Variants in ACSM3 observed in about 807,000 individuals in gnomAD.
The protein encoded by ACSM3 is acyl-CoA synthetase medium chain family member 3.
In ACSM3, 61 loss-of-function variants were observed where a neutral mutation model predicts 74.1. The ratio of observed to expected loss-of-function variants is 0.82; its 90% confidence interval spans 0.67 to 1.02. ACSM3 has a LOEUF of 1.02. Ranked by LOEUF, ACSM3 falls within the 50% of genes least tolerant of loss-of-function variation. The pLI is 0.00. For missense variants in ACSM3, 660 were observed against 697.0 expected (o/e 0.95, Z 0.60); for synonymous variants, 213 against 241.5 (o/e 0.88, Z 1.09).
chr16:20,745,944 G>C (rs748346083), intron 1 of ACSM3, among the ~76,000 whole-genome samples: 1 of 152,178 alleles, frequency 6.6e-6, no homozygotes, highest in Non-Finnish European at 1.5e-5. Context: ...TATCCTGGCT[G>C]TGAATCCCAG....
chr16:20,737,125 C>T, intron 1 of ACSM3: 1 of 1,614,206 alleles, frequency 6.2e-7, no homozygotes, highest in South Asian at 1.1e-5. Flanking sequence ...TGTGACGGAT[C>T]CTTAGGGCTC....
Position 20,685,847 on chromosome 16 carries a change from C to T in ACSM3, c.-190+11025C>T, listed in dbSNP as rs4783459. ...AAAAAAAAAACAAACAAAAAAAAAA[C>T]AAAAAACTTATAGCATCAGGAGAGG... On this transcript the variant is annotated intron_variant, in intron 1 of 3. Transcript: ENST00000561584. Among the ~76,000 whole-genome samples, 10 of 91,076 alleles carry T rather than the reference C, an allele frequency of 1.1e-4. No homozygotes were observed. In the East Asian group the frequency reaches 2.6e-3, roughly 24 times the overall value. 59.7% of individuals were successfully genotyped at this position (91,076 alleles called of 152,430 possible).
chr16:20,779,842 G>A, intron 4 of ACSM3: 1 of 192,318 alleles, frequency 5.2e-6, no homozygotes, highest in Non-Finnish European at 1.1e-5. Flanking sequence ...CTCGATCTTG[G>A]CTCACTGCAA....
At chr16:20,719,565 G>C (rs1055285120) in intron 1 of ACSM3, among the ~76,000 whole-genome samples, 11 of 152,228 alleles carry the variant, frequency 7.2e-5, no homozygotes, top group Non-Finnish European at 1.5e-4. Context: ...GGGGCGGGGT[G>C]GGGGAAACAA....
chr16:20,758,358 C>A (rs2080048440), intron 3 of ACSM3, among the ~76,000 whole-genome samples: 1 of 152,188 alleles, frequency 6.6e-6, no homozygotes, highest in Non-Finnish European at 1.5e-5. Context: ...CTGGTTTAGC[C>A]TTCGGAGAGT....
chr16:20,785,046 C>T lies in ACSM3; in HGVS notation c.1082C>T (p.Thr361Ile). 1 of 1,613,690 alleles carries T rather than the reference C, an allele frequency of 6.2e-7. No homozygotes were observed. The highest frequency in any genetic ancestry group is 8.5e-7 in the Non-Finnish European group (1 of 1,179,786). ...SAGEPITPDV[T>I]EKWRNKTGLD... ...GGGGAACCAATTACCCCTGACGTGACTGAAAAATGGAGAAACAAGACGGGC... is the reference window on the plus strand; with the variant it reads ...GGGGAACCAATTACCCCTGACGTGATTGAAAAATGGAGAAACAAGACGGGC... The change falls in exon 8 of 14, where the codon ACT (threonine) becomes ATT (isoleucine). Residue 361 changes from threonine to isoleucine, a missense_variant. By Grantham distance (89) the Thr-to-Ile change is moderately conservative. Transcript: ENST00000289416.
chr16:20,689,354 C>CAAGTAAACA (rs1208353868), intron 1 of ACSM3, among the ~76,000 whole-genome samples: 1 of 151,776 alleles, frequency 6.6e-6, no homozygotes, highest in African/African-American at 2.4e-5. Context: ...TACAAAAACT[C>CAAGTAAACA]AAGTAAACAC....
In ACSM3 at chr16:20,792,045, A is replaced by C. The variant is rs775053655; in HGVS notation, c.1370A>C (p.Tyr457Ser). The change falls in exon 11 of 14, where the codon TAT becomes TCT. Residue 457 changes from tyrosine (Y) to serine (S), a missense_variant. Tyr to Ser is a moderately radical substitution (Grantham distance 144). Transcript: ENST00000289416. ...KTASTLRGNFYITGDRGYMDK... is the reference protein window; with the variant it reads ...KTASTLRGNFSITGDRGYMDK... ...GCTTCAACTCTACGAGGCAATTTCT[A>C]TATCACTGGGGACAGAGGATATATG... The C allele has an allele frequency of 6.2e-7, 1 of 1,614,162 alleles. No homozygotes were observed. The highest frequency in any genetic ancestry group is 8.5e-7 in the Non-Finnish European group (1 of 1,180,010).
intron 12 of ACSM3, among the ~76,000 whole-genome samples, chr16:20,793,386 T>C (rs1480942301): frequency 2.0e-5 from 3 of 152,124 alleles, no homozygotes; most frequent in Non-Finnish European, 4.4e-5. Context: ...GAAGAATCAC[T>C]TGGACCCGGG....
At chr16:20,774,053 T>A (rs1296842556) in intron 2 of ACSM3, among the ~76,000 whole-genome samples, 1 of 152,208 alleles carries the variant, frequency 6.6e-6, no homozygotes, top group Non-Finnish European at 1.5e-5. Flanking sequence ...TGGGTGCGTA[T>A]ATATTTACAA....
chr16:20,784,476 T>C (rs1283583000), intron 7 of ACSM3: 1 of 152,774 alleles, frequency 6.5e-6, no homozygotes, highest in Non-Finnish European at 1.5e-5. Flanking sequence ...AAACAATTGG[T>C]ACTTTTCATT....
At chr16:20,781,817 T>TG in intron 7 of ACSM3, 30 bp downstream of exon 7, 1 of 1,510,158 alleles carries the variant, frequency 6.6e-7, no homozygotes, top group Non-Finnish European at 9.2e-7. Flanking sequence ...AGGCATCTAG[T>TG]GGGGAGAGGG....
intron 1 of ACSM3, chr16:20,738,314 A>AC: frequency 2.5e-6 from 1 of 402,130 alleles, no homozygotes; most frequent in Non-Finnish European, 4.8e-6. Context: ...TTTTTACAAA[A>AC]AAAAAAAAAA....
intron 2 of ACSM3, among the ~76,000 whole-genome samples, chr16:20,751,623 C>T (rs1241055205): frequency 2.0e-5 from 3 of 152,182 alleles, no homozygotes; most frequent in South Asian, 2.1e-4. Context: ...CAGTGGGGCT[C>T]GGAGAAGCCC....
At chr16:20,757,866 G>GGCCTTT (rs1160907709) in intron 3 of ACSM3, among the ~76,000 whole-genome samples, 1 of 151,844 alleles carries the variant, frequency 6.6e-6, no homozygotes, top group African/African-American at 2.4e-5. Flanking sequence ...TTTTGTCAAA[G>GGCCTTT]GCCTTTTCTG....
chr16:20,695,543 A>G (rs942623177), intron 1 of ACSM3, among the ~76,000 whole-genome samples: 1 of 145,518 alleles, frequency 6.9e-6, no homozygotes, highest in Non-Finnish European at 1.5e-5. Context: ...CAGCTTTTTC[A>G]CTGATTATCT....
chr16:20,796,747 A>G, intron 13 of ACSM3, 139 bp from the exon 14 acceptor site: 2 of 1,509,266 alleles, frequency 1.3e-6, no homozygotes, highest in Non-Finnish European at 1.8e-6. Flanking sequence ...CCTTTTCCCT[A>G]TTTTGGCTGT....
chr16:20,683,397 G>A (rs906805614), intron 1 of ACSM3, among the ~76,000 whole-genome samples: 5 of 151,924 alleles, frequency 3.3e-5, no homozygotes, highest in African/African-American at 4.8e-5. Flanking sequence ...CAAAGTGCTG[G>A]GATTACAGCT....
chr16:20,748,111 T>TG (rs747017351), intron 1 of ACSM3, among the ~76,000 whole-genome samples: 1 of 151,864 alleles, frequency 6.6e-6, no homozygotes, highest in South Asian at 2.1e-4. Flanking sequence ...TACTCCAGCC[T>TG]GGGGGGACAA....
Sources: allele counts gnomAD v4.1 joint callset (sites outside exome capture counted in the v4.1 genomes callset), GRCh38; gene constraint gnomAD v4.1.1; transcripts MANE v1.5; gene names NCBI Gene and HGNC (gene_info 2026-07-23, HGNC 2026-07-21).